Variants in RAB38 observed in about 807,000 individuals in gnomAD.
RAB38 encodes RAB38, member RAS oncogene family.
Under a neutral mutation model 18.4 loss-of-function variants are expected in RAB38, and 15 were observed. The observed-to-expected ratio is 0.82, with a 90% CI of 0.55 to 1.26. The LOEUF (loss-of-function observed/expected upper bound fraction) is 1.26. Ranked by LOEUF, RAB38 falls within the 50% of genes most tolerant of loss-of-function variation. RAB38 has a pLI of 0.00. For missense variants in RAB38, 294 were observed against 267.4 expected (o/e 1.10, Z -0.69); for synonymous variants, 101 against 104.4 (o/e 0.97, Z 0.20).
chr11:87,942,156 A>G, the RAB38 span, among the ~76,000 whole-genome samples: 1 of 152,186 alleles, frequency 6.6e-6, no homozygotes, highest in Non-Finnish European at 1.5e-5. Flanking sequence ...CTGATGCAGG[A>G]GTTTTGGAAA....
chr11:88,049,429 C>G, the RAB38 span, among the ~76,000 whole-genome samples: 1 of 150,964 alleles, frequency 6.6e-6, no homozygotes, highest in Non-Finnish European at 1.5e-5. Flanking sequence ...CACCTTGTGA[C>G]CCCCACCCCT....
chr11:87,955,497 A>C, the RAB38 span, among the ~76,000 whole-genome samples: 2 of 152,148 alleles, frequency 1.3e-5, no homozygotes, highest in South Asian at 4.1e-4. Flanking sequence ...TACTTCCTGA[A>C]TCTAAAATAA....
the RAB38 span, among the ~76,000 whole-genome samples, chr11:87,936,676 A>G: frequency 1.3e-5 from 2 of 152,144 alleles, no homozygotes; most frequent in South Asian, 4.1e-4. Context: ...TAGCCTTCCA[A>G]TATAAATTTT....
At chr11:88,012,412 GA>G in the RAB38 span, among the ~76,000 whole-genome samples, 2 of 152,178 alleles carry the variant, frequency 1.3e-5, no homozygotes, top group African/African-American at 4.8e-5. Flanking sequence ...TAACGGGGAG[GA>G]AGACGGTGGG....
At chr11:87,904,468 G>A in the RAB38 span, among the ~76,000 whole-genome samples, 201 of 151,676 alleles carry the variant, frequency 1.3e-3, 2 homozygotes, top group Admixed American at 2.0e-3. Context: ...TATTTTTACC[G>A]CGTTTTCCTT....
At chr11:88,133,698 A>G (rs1231274887) in intron 2 of RAB38, among the ~76,000 whole-genome samples, 1 of 152,250 alleles carries the variant, frequency 6.6e-6, no homozygotes, top group Admixed American at 6.5e-5. Flanking sequence ...AGTTTTGATT[A>G]TTTAAAGAGA....
the RAB38 span, among the ~76,000 whole-genome samples, chr11:87,872,442 A>G: frequency 6.6e-6 from 1 of 151,634 alleles, no homozygotes; most frequent in African/African-American, 2.4e-5. Flanking sequence ...TGATACCAAC[A>G]CTGACATGTC....
At chr11:88,085,717 T>C in the RAB38 span, among the ~76,000 whole-genome samples, 1 of 151,984 alleles carries the variant, frequency 6.6e-6, no homozygotes, top group Non-Finnish European at 1.5e-5. Flanking sequence ...AGACACACAT[T>C]TGTTGATGTG....
At chr11:87,806,820 T>C in the RAB38 span, among the ~76,000 whole-genome samples, 3 of 152,240 alleles carry the variant, frequency 2.0e-5, no homozygotes, top group Non-Finnish European at 4.4e-5. Context: ...GTGAAGAATG[T>C]ACTGCTAACA....
At chr11:88,017,364 T>TACACACAC in the RAB38 span, among the ~76,000 whole-genome samples, 14 of 150,558 alleles carry the variant, frequency 9.3e-5, no homozygotes, top group African/African-American at 3.4e-4. Context: ...TATAGACACA[T>TACACACAC]ACACACACAC....
chr11:88,042,089 T>G, the RAB38 span, among the ~76,000 whole-genome samples: 69 of 152,318 alleles, frequency 4.5e-4, no homozygotes, highest in Admixed American at 2.7e-3. Context: ...AAAGGCCGTT[T>G]TATTACAGCC....
chr11:88,117,812 T>G, intron 2 of RAB38, among the ~76,000 whole-genome samples: 1 of 152,198 alleles, frequency 6.6e-6, no homozygotes, highest in Non-Finnish European at 1.5e-5. Flanking sequence ...TAAGTTAATA[T>G]ATATTAATAC....
chr11:87,853,803 C>T, the RAB38 span, among the ~76,000 whole-genome samples: 95 of 152,316 alleles, frequency 6.2e-4, 1 homozygote, highest in African/African-American at 1.9e-3. Context: ...ACAACTTTCT[C>T]TTACAGTTTT....
At chr11:87,941,241 A>G in the RAB38 span, among the ~76,000 whole-genome samples, 1 of 132,100 alleles carries the variant, frequency 7.6e-6, no homozygotes, top group Non-Finnish European at 1.6e-5. Context: ...ATATATATAT[A>G]TATATGTAAC....
intron 1 of RAB38, chr11:88,167,591 AT>A (rs1367506119): frequency 6.6e-6 from 1 of 152,184 alleles, no homozygotes; most frequent in African/African-American, 2.4e-5. Context: ...TGAGATATTT[AT>A]TTTATAAGGT....
At chr11:88,114,280 T>C in intron 2 of RAB38, 140 bp from the exon 3 acceptor site, 2 of 889,102 alleles carry the variant, frequency 2.2e-6, no homozygotes, top group Non-Finnish European at 3.4e-6. Context: ...CCCTCACTCT[T>C]ATTTGTTCCT....
At chr11:88,141,919 A>T (rs890801944) in intron 2 of RAB38, among the ~76,000 whole-genome samples, 2 of 152,134 alleles carry the variant, frequency 1.3e-5, no homozygotes, top group African/African-American at 4.8e-5. Flanking sequence ...GGTTTCCTCA[A>T]GAGCTGTCCT....
chr11:88,013,038 T>A, the RAB38 span, among the ~76,000 whole-genome samples: 1 of 152,292 alleles, frequency 6.6e-6, no homozygotes, highest in East Asian at 1.9e-4. Flanking sequence ...ATGAGATGGT[T>A]GTCCCAGAAA....
the RAB38 span, among the ~76,000 whole-genome samples, chr11:88,092,073 C>T: frequency 2.0e-5 from 3 of 151,638 alleles, no homozygotes; most frequent in Non-Finnish European, 2.9e-5. Flanking sequence ...TTGGGAACAT[C>T]GTATGGCAGT....
Sources: allele counts gnomAD v4.1 joint callset (sites outside exome capture counted in the v4.1 genomes callset), GRCh38; gene constraint gnomAD v4.1.1; transcripts MANE v1.5; gene names NCBI Gene and HGNC (gene_info 2026-07-23, HGNC 2026-07-21).